The following CDC73 variants were observed in gnomAD, a reference collection of about 807,000 sequenced individuals.
CDC73 encodes cell division cycle 73.
Under a neutral mutation model 83.7 loss-of-function variants are expected in CDC73, and 21 were observed. The ratio of observed to expected loss-of-function variants is 0.25; its 90% CI spans 0.18 to 0.36. CDC73 has a LOEUF of 0.36. Among genes scored for constraint, CDC73 ranks in the 10% least tolerant of loss-of-function variants. The pLI is 1.00. For missense variants in CDC73, 342 were observed against 653.3 expected (o/e 0.52, Z 5.19); for synonymous variants, 224 against 212.9 (o/e 1.05, Z -0.45).
intron 10 of CDC73, among the ~76,000 whole-genome samples, chr1:193,160,402 T>C (rs1285971714): frequency 6.6e-6 from 1 of 152,072 alleles, no homozygotes; most frequent in African/African-American, 2.4e-5. Context: ...AGAAACCAGT[T>C]TGGAAATATA....
chr1:193,140,113 T>C (rs192929417), intron 6 of CDC73, among the ~76,000 whole-genome samples: 6 of 152,316 alleles, frequency 3.9e-5, no homozygotes, highest in Admixed American at 2.6e-4. Flanking sequence ...CAGCTCTACA[T>C]GGGTTCTCCT....
rs184616129 is a variant in CDC73, at chr1:193,169,318, G to A, written c.972+16874G>A. ...CTAGCACTTGGGGAGGCCAAGGCCG[G>A]TGTATCACTTGAGGCCAGGAGTTCG... On this transcript the variant is annotated intron_variant, in intron 10 of 16. Coordinates refer to ENST00000367435, the MANE Select transcript of CDC73 (RefSeq NM_024529.5). 3.0e-3 allele frequency among the ~76,000 whole-genome samples: 463 copies of A among 152,358 alleles called. 3 individuals carry two copies. Among genetic ancestry groups the A allele is most frequent in the Non-Finnish European group, 5.3e-3 (363 of 68,038 alleles).
chr1:193,206,734 C>G (rs932270804), intron 11 of CDC73, among the ~76,000 whole-genome samples: 3 of 152,302 alleles, frequency 2.0e-5, no homozygotes, highest in East Asian at 3.9e-4. Context: ...CACCTATTCT[C>G]TCTTTGAGTG....
chr1:193,156,684 T>C (rs1467259615), intron 10 of CDC73, among the ~76,000 whole-genome samples: 3 of 152,156 alleles, frequency 2.0e-5, no homozygotes, highest in Admixed American at 6.5e-5. Context: ...GATTAATTTG[T>C]TGTTCATCTC....
chr1:193,191,264 G>A (rs1676913284), intron 10 of CDC73, among the ~76,000 whole-genome samples: 1 of 152,130 alleles, frequency 6.6e-6, no homozygotes, highest in African/African-American at 2.4e-5. Flanking sequence ...ACCAGTCTAT[G>A]GGCATTTGTA....
chr1:193,148,199 G>T (rs959378593), intron 8 of CDC73, among the ~76,000 whole-genome samples: 3 of 152,188 alleles, frequency 2.0e-5, no homozygotes, highest in Non-Finnish European at 4.4e-5. Context: ...GTCTGAAAAA[G>T]GTTAATTAGG....
chr1:193,235,938 C>G (rs755341690), intron 14 of CDC73, among the ~76,000 whole-genome samples: 29 of 152,138 alleles, frequency 1.9e-4, no homozygotes, highest in Non-Finnish European at 3.7e-4. Context: ...GAAAAGTGGG[C>G]CACTACTCTA....
chr1:193,199,850 A>AT (rs1461081580), intron 10 of CDC73, among the ~76,000 whole-genome samples: 1 of 152,138 alleles, frequency 6.6e-6, no homozygotes, highest in Non-Finnish European at 1.5e-5. Context: ...TATTTAAATA[A>AT]TTTTTAAAAC....
intron 10 of CDC73, among the ~76,000 whole-genome samples, chr1:193,184,380 AAGAG>A (rs1223053485): frequency 2.0e-5 from 3 of 151,954 alleles, no homozygotes; most frequent in African/African-American, 4.8e-5. Context: ...AATTCTTAAA[AAGAG>A]AGAGCAAAAC....
At chr1:193,140,336 C>A (rs1318282448) in intron 6 of CDC73, among the ~76,000 whole-genome samples, 1 of 152,108 alleles carries the variant, frequency 6.6e-6, no homozygotes, top group African/African-American at 2.4e-5. Context: ...AGTAAAAATT[C>A]TATGTTTCAA....
chr1:193,151,799 C>A (rs1209583753), intron 9 of CDC73, among the ~76,000 whole-genome samples: 1 of 152,024 alleles, frequency 6.6e-6, no homozygotes, highest in Non-Finnish European at 1.5e-5. Flanking sequence ...TGGTGCATGC[C>A]AGTGGTCCTA....
At chr1:193,249,664 A>G in intron 15 of CDC73, 66 bp from the exon 16 acceptor site, 2 of 1,294,178 alleles carry the variant, frequency 1.5e-6, no homozygotes, top group South Asian at 1.2e-5. Flanking sequence ...TTGGTGGAAT[A>G]AAGAAATTTT....
intron 1 of CDC73, 33 bp downstream of exon 1, chr1:193,122,364 C>T (rs1675468027): frequency 6.2e-7 from 1 of 1,613,448 alleles, no homozygotes; most frequent in African/African-American, 1.3e-5. Context: ...CCAGGGGTGG[C>T]AGGGCAGAGT....
chr1:193,137,795 G>A (rs1446172070), intron 5 of CDC73, among the ~76,000 whole-genome samples: 3 of 152,236 alleles, frequency 2.0e-5, no homozygotes, highest in African/African-American at 7.2e-5. Flanking sequence ...TATTTGTTGT[G>A]TCTTTCTGAA....
chr1:193,245,420 C>T (rs1677937372), intron 15 of CDC73, among the ~76,000 whole-genome samples: 1 of 152,088 alleles, frequency 6.6e-6, no homozygotes. Flanking sequence ...ATAATGTCCT[C>T]CATTTCCATC....
chr1:193,153,956 A>C (rs1676163789), intron 10 of CDC73, among the ~76,000 whole-genome samples: 1 of 152,190 alleles, frequency 6.6e-6, no homozygotes, highest in Non-Finnish European at 1.5e-5. Context: ...AACAGCAAGG[A>C]GGCCAGTGTT....
Position 193,150,217 on chromosome 1 carries a change from G to A in CDC73, c.829-87G>A, listed in dbSNP as rs1022607243. 4.2e-6 allele frequency: 4 copies of A among 946,666 alleles called. No homozygotes were observed. The African/African-American group carries it at 6.5e-5, about 15-fold the overall frequency. 58.6% of individuals were successfully genotyped at this position (946,666 alleles called of 1,614,324 possible). The stretch of plus-strand genomic sequence containing the variant: ...GCCCAGGAGGTCTTGGCTGCAGTGA[G>A]CCATGGTCATGCTACTGCACTCCAG... On this transcript the variant is annotated intron_variant, in intron 8 of 16. Transcript: ENST00000367435.
chr1:193,130,461 C>T lies in CDC73; in HGVS notation c.307+218C>T, dbSNP rs558444669. 2.6e-5 allele frequency among the ~76,000 whole-genome samples: 4 copies of T among 152,336 alleles called. No individual in the cohort carries two copies. In the South Asian group the frequency reaches 6.2e-4, roughly 24 times the overall value. On this transcript the variant is annotated intron_variant, in intron 3 of 16. Transcript: ENST00000367435. ...CTTGTGTGTGGATTCCATCTCCTTT[C>T]ACAGTCTCAAAGACTTTGTCTTCGT... is the stretch of plus-strand genomic sequence containing the variant.
chr1:193,150,279 T>G, intron 8 of CDC73, 25 bp from the exon 9 acceptor site: 2 of 1,459,672 alleles, frequency 1.4e-6, no homozygotes, highest in Non-Finnish European at 1.9e-6. Context: ...TATTAACAAG[T>G]AACTCATAAT....
Sources: gnomAD v4.1 joint callset for allele counts (sites outside exome capture counted in the v4.1 genomes callset) on GRCh38, gnomAD v4.1.1 for gene constraint, MANE v1.5 for transcripts, NCBI Gene and HGNC (gene_info 2026-07-23, HGNC 2026-07-21) for gene names.